Variants in NRXN3 observed in about 807,000 individuals in gnomAD.
NRXN3 encodes the protein neurexin 3, also known as neurexin III.
Under a neutral mutation model 137.6 loss-of-function variants are expected in NRXN3, and 32 were observed. The observed-to-expected ratio is 0.23, with a 90% CI of 0.18 to 0.31. The LOEUF (loss-of-function observed/expected upper bound fraction) is 0.31. Ranked by LOEUF, NRXN3 falls within the 10% of genes least tolerant of loss-of-function variation. NRXN3 has a pLI of 1.00. For synonymous variants in NRXN3, 798 were observed against 784.5 expected (o/e 1.02, Z -0.29); for missense variants, 1,574 against 2,062.5 (o/e 0.76, Z 4.59).
intron 19 of NRXN3, among the ~76,000 whole-genome samples, chr14:79,797,208 C>A (rs2099163719): frequency 6.6e-6 from 1 of 152,148 alleles, no homozygotes; most frequent in Non-Finnish European, 1.5e-5. Flanking sequence ...AGACAGAATG[C>A]AATATCTTTA....
intron 10 of NRXN3, among the ~76,000 whole-genome samples, chr14:78,854,300 C>A (rs946824122): frequency 2.6e-5 from 4 of 152,132 alleles, no homozygotes; most frequent in Admixed American, 2.6e-4. Flanking sequence ...ATTTTTTGGG[C>A]CTTACCTTGG....
chr14:79,056,144 A>G (rs1316913798), intron 15 of NRXN3, among the ~76,000 whole-genome samples: 1 of 152,178 alleles, frequency 6.6e-6, no homozygotes, highest in Non-Finnish European at 1.5e-5. Context: ...AAGAACACAG[A>G]TATGAAAGAT....
At chr14:78,373,925 A>G (rs1238856612) in intron 4 of NRXN3, among the ~76,000 whole-genome samples, 1 of 152,206 alleles carries the variant, frequency 6.6e-6, no homozygotes, top group African/African-American at 2.4e-5. Context: ...AATATTTGCC[A>G]TATTCTTTTT....
intron 8 of NRXN3, among the ~76,000 whole-genome samples, chr14:78,793,947 T>C (rs1266289134): frequency 2.0e-5 from 3 of 152,146 alleles, no homozygotes; most frequent in Non-Finnish European, 2.9e-5. Context: ...TCAGATCTTT[T>C]GAGTTAACCC....
intron 16 of NRXN3, among the ~76,000 whole-genome samples, chr14:79,474,542 C>T (rs1443110089): frequency 6.6e-6 from 1 of 152,040 alleles, no homozygotes; most frequent in African/African-American, 2.4e-5. Flanking sequence ...AAGCAGTTAC[C>T]TCTGAGGGAA....
chr14:79,252,144 T>C (rs2076016197), intron 15 of NRXN3, among the ~76,000 whole-genome samples: 1 of 152,218 alleles, frequency 6.6e-6, no homozygotes, highest in Non-Finnish European at 1.5e-5. Flanking sequence ...CTTAAAGTTC[T>C]TGTACATTCC....
chr14:79,329,398 G>A (rs772664229), intron 15 of NRXN3, among the ~76,000 whole-genome samples: 1 of 152,156 alleles, frequency 6.6e-6, no homozygotes, highest in Non-Finnish European at 1.5e-5. Flanking sequence ...TTTCAAGACG[G>A]AGAGACAGGA....
At chr14:79,318,676 A>G (rs1158004156) in intron 15 of NRXN3, among the ~76,000 whole-genome samples, 1 of 152,068 alleles carries the variant, frequency 6.6e-6, no homozygotes, top group Admixed American at 6.5e-5. Flanking sequence ...AATAAGAACT[A>G]GAGATGAGCT....
chr14:79,022,283 G>A (rs1034587818), intron 15 of NRXN3, among the ~76,000 whole-genome samples: 1 of 152,148 alleles, frequency 6.6e-6, no homozygotes, highest in Non-Finnish European at 1.5e-5. Flanking sequence ...AGGAGCTAGA[G>A]AACATGAGCT....
At chr14:79,572,753 TG>T (rs1357814222) in intron 16 of NRXN3, 1 of 152,166 alleles carries the variant, frequency 6.6e-6, no homozygotes, top group Non-Finnish European at 1.5e-5. Flanking sequence ...TAATATGTAA[TG>T]GATGTCATAA....
intron 16 of NRXN3, among the ~76,000 whole-genome samples, chr14:79,567,063 A>G (rs926857852): frequency 6.6e-6 from 1 of 152,118 alleles, no homozygotes; most frequent in African/African-American, 2.4e-5. Flanking sequence ...GCTTGTCAGA[A>G]TACCATCCTA....
At chr14:78,219,812 G>A (rs1179301664) in intron 1 of NRXN3, among the ~76,000 whole-genome samples, 2 of 152,174 alleles carry the variant, frequency 1.3e-5, no homozygotes, top group Non-Finnish European at 2.9e-5. Context: ...GAAGCAGTAC[G>A]TTAGGAGAGT....
chr14:79,510,542 A>G (rs1284639233), intron 16 of NRXN3, among the ~76,000 whole-genome samples: 1 of 152,222 alleles, frequency 6.6e-6, no homozygotes, highest in Non-Finnish European at 1.5e-5. Flanking sequence ...AACTGAGGCC[A>G]GATAGGAAGA....
rs1243288502 is a variant in NRXN3, at chr14:79,865,348, CACTT to C, written c.*3389_*3392del. 3.3e-5 allele frequency: 5 copies of C among 152,342 alleles called. No homozygotes were observed. The highest frequency in any genetic ancestry group is 1.9e-4 in the East Asian group (1 of 5,182). 9.4% of individuals were successfully genotyped at this position (152,342 alleles called of 1,614,324 possible). A position where few individuals can be genotyped will look rare whatever the true frequency, so the allele number is the denominator to read the frequency against. On this transcript the variant is annotated 3_prime_UTR_variant, in exon 21 of 21. Transcript: ENST00000335750. ...TCATATTTCTCGTTCTCTCAGCACA[CACTT>C]ACTTGGCCAATTGGATAATCCATCT... is the stretch of plus-strand genomic sequence containing the variant.
At chr14:79,546,216 T>C (rs1341983204) in intron 16 of NRXN3, among the ~76,000 whole-genome samples, 3 of 152,176 alleles carry the variant, frequency 2.0e-5, no homozygotes, top group Non-Finnish European at 4.4e-5. Flanking sequence ...GACTAATATA[T>C]AGATGTAATA....
At chr14:78,963,986 C>T (rs1028510606) in intron 11 of NRXN3, among the ~76,000 whole-genome samples, 5 of 151,910 alleles carry the variant, frequency 3.3e-5, no homozygotes, top group Admixed American at 3.3e-4. Flanking sequence ...CCAGGCTGGT[C>T]TTGAACTCCT....
intron 4 of NRXN3, among the ~76,000 whole-genome samples, chr14:78,393,743 A>G (rs978471191): frequency 2.0e-5 from 3 of 152,036 alleles, no homozygotes; most frequent in Admixed American, 6.6e-5. Flanking sequence ...CAATCCATGA[A>G]CATAGTATAT....
rs72681553 is a variant in NRXN3, at chr14:78,445,850, G to A, written c.757+147990G>A. ...CATATTAGGATGGGCAGGTGAAAGT[G>A]AGTCAGTGCTTGCAGAGATAGATGA... On this transcript the variant is annotated intron_variant, in intron 4 of 20. Coordinates refer to ENST00000335750, the MANE Select transcript of NRXN3 (RefSeq NM_001330195.2). 1.2e-3 allele frequency among the ~76,000 whole-genome samples: 181 copies of A among 152,334 alleles called. 1 individual carries two copies. The highest frequency in any genetic ancestry group is 2.1e-3 in the Non-Finnish European group (140 of 68,044).
chr14:79,462,640 C>CAT (rs995388713), intron 15 of NRXN3, among the ~76,000 whole-genome samples: 28 of 150,746 alleles, frequency 1.9e-4, no homozygotes, highest in Middle Eastern at 3.2e-3. Flanking sequence ...CATATATTCA[C>CAT]ATATATATAT....
Sources: gnomAD v4.1 joint callset for allele counts (sites outside exome capture counted in the v4.1 genomes callset) on GRCh38, gnomAD v4.1.1 for gene constraint, MANE v1.5 for transcripts, NCBI Gene and HGNC (gene_info 2026-07-23, HGNC 2026-07-21) for gene names.